Variants in ESR2 observed in about 807,000 individuals in gnomAD.
ESR2 encodes the protein estrogen receptor beta.
A neutral mutation model predicts 49.6 loss-of-function variants in ESR2; 36 were observed. That is an observed-to-expected ratio of 0.73 (90% CI 0.56 to 0.96). The LOEUF is 0.96. Ranked by LOEUF, ESR2 falls within the 40% of genes least tolerant of loss-of-function variation. ESR2 has a pLI of 0.00. For synonymous variants in ESR2, 320 were observed against 266.1 expected, an observed-to-expected ratio of 1.20 and a Z score of -1.97; for missense variants, 714 against 693.0, an observed-to-expected ratio of 1.03 and a Z score of -0.34.
intron 1 of ESR2, among the ~76,000 whole-genome samples, chr14:64,305,742 A>G (rs923095431): frequency 5.9e-5 from 9 of 152,128 alleles, no homozygotes; most frequent in African/African-American, 2.2e-4. Context: ...TAATTCTACC[A>G]TTTAATGTCC....
rs868018680 is a variant in ESR2, at chr14:64,235,664, G to A, written c.1226-514C>T. 3.3e-5 allele frequency among the ~76,000 whole-genome samples: 5 copies of A among 152,168 alleles called. No individual in the cohort carries two copies. In the South Asian group the frequency reaches 8.3e-4, roughly 25 times the overall value. Reference sequence around the variant, plus strand: ...GCCCCTGCTACCACCTCTGCATCTCGCTTGAGTGGCACCTGGCTGGGGCAG... The same window carrying A: ...GCCCCTGCTACCACCTCTGCATCTCACTTGAGTGGCACCTGGCTGGGGCAG... On this transcript the variant is annotated intron_variant, in intron 7 of 8. Coordinates refer to ENST00000341099, the MANE Select transcript of ESR2 (RefSeq NM_001437.3).
downstream of ESR2, chr14:64,227,411 T>TC (rs1324324524): frequency 4.6e-5 from 53 of 1,158,130 alleles, no homozygotes; most frequent in African/African-American, 7.2e-4. Flanking sequence ...ATAACTAACT[T>TC]CAAAGTATTT....
intron 1 of ESR2, among the ~76,000 whole-genome samples, chr14:64,305,689 T>A (rs995604710): frequency 1.3e-5 from 2 of 151,482 alleles, no homozygotes; most frequent in African/African-American, 2.4e-5. Context: ...AATAAATAAA[T>A]AAAATATATA....
In ESR2 at chr14:64,260,710, T is replaced by G; in HGVS notation, c.691A>C (p.Arg231=). 1 of 1,550,024 alleles carries G rather than the reference T, an allele frequency of 6.5e-7. No homozygotes were observed. The highest frequency in any genetic ancestry group is 8.7e-7 in the Non-Finnish European group (1 of 1,144,764). ...AGCTGCTCGTCGGCACTTCTCTGTCTCCGCACAAGGCGGTACCCACATCTC... is the reference window on the plus strand; with the variant it reads ...AGCTGCTCGTCGGCACTTCTCTGTCGCCGCACAAGGCGGTACCCACATCTC... ...RERCGYRLVR[R]QRSADEQLHC... Residue 231 remains arginine (R), a synonymous_variant, in exon 5 of 9, where the codon AGA becomes CGA. Transcript: ENST00000341099.
intron 1 of ESR2, among the ~76,000 whole-genome samples, chr14:64,318,255 G>A (rs955566480): frequency 2.6e-5 from 4 of 151,890 alleles, no homozygotes; most frequent in Non-Finnish European, 2.9e-5. Context: ...TTAAAGTATC[G>A]GCCGGGTGCG....
upstream of ESR2, among the ~76,000 whole-genome samples, chr14:64,294,712 A>G (rs545379500): frequency 1.4e-4 from 21 of 152,330 alleles, no homozygotes; most frequent in East Asian, 1.9e-4. Context: ...CCTGACTCAC[A>G]TAAGTGTCAT....
intron 1 of ESR2, among the ~76,000 whole-genome samples, chr14:64,314,681 C>A (rs1212092722): frequency 6.6e-6 from 1 of 151,222 alleles, no homozygotes; most frequent in South Asian, 2.1e-4. Context: ...AGTTCAAGAC[C>A]AGCCTGGCCA....
chr14:64,321,033 C>T (rs1361292227), intron 1 of ESR2, among the ~76,000 whole-genome samples: 1 of 151,956 alleles, frequency 6.6e-6, no homozygotes, highest in Non-Finnish European at 1.5e-5. Context: ...TTCTGTAACC[C>T]TATAATTGCT....
chr14:64,331,549 G>A (rs946503080), intron 1 of ESR2, among the ~76,000 whole-genome samples: 9 of 152,086 alleles, frequency 5.9e-5, no homozygotes, highest in South Asian at 2.1e-4. Flanking sequence ...CTTTGGGGCC[G>A]GGCCCAGTGG....
intron 4 of ESR2, among the ~76,000 whole-genome samples, chr14:64,266,458 T>A (rs2076330038): frequency 6.6e-6 from 1 of 152,258 alleles, no homozygotes; most frequent in African/African-American, 2.4e-5. Flanking sequence ...CTTCCCTGCA[T>A]ACACTGCCTT....
At chr14:64,274,505 A>G (rs2076517750) in intron 3 of ESR2, among the ~76,000 whole-genome samples, 1 of 151,974 alleles carries the variant, frequency 6.6e-6, no homozygotes, top group African/African-American at 2.4e-5. Context: ...TTTTAAAAAA[A>G]TTAGTCTGGC....
chr14:64,304,705 CA>C (rs936113759), intron 1 of ESR2, among the ~76,000 whole-genome samples: 4 of 147,496 alleles, frequency 2.7e-5, no homozygotes, highest in East Asian at 2.0e-4. Flanking sequence ...CATGTCTCTG[CA>C]AAAAAAAAAT....
At chr14:64,338,573 T>C (rs540586598), upstream of ESR2, 3,909 of 150,006 alleles carry the variant, frequency 0.026, 80 homozygotes, top group Non-Finnish European at 0.037. Flanking sequence ...TCCCCAGAGC[T>C]GAGGAGCATC....
At chr14:64,228,165 G>C, downstream of ESR2, 6 of 779,192 alleles carry the variant, frequency 7.7e-6, no homozygotes, top group Non-Finnish European at 1.1e-5. Context: ...TCAAGCATTT[G>C]TGTTCAGGTG....
intron 1 of ESR2, among the ~76,000 whole-genome samples, chr14:64,289,197 G>A (rs997793917): frequency 1.3e-5 from 2 of 151,898 alleles, no homozygotes; most frequent in Admixed American, 6.6e-5. Context: ...TGCTCTGAGG[G>A]TGAAATGAGA....
chr14:64,280,625 T>C (rs1377768206), intron 2 of ESR2, among the ~76,000 whole-genome samples: 8 of 152,238 alleles, frequency 5.3e-5, no homozygotes, highest in Non-Finnish European at 1.2e-4. Context: ...CCAACAGCAT[T>C]GCTAAGCAGC....
At chr14:64,304,376 T>C (rs180693814) in intron 1 of ESR2, among the ~76,000 whole-genome samples, 1 of 152,278 alleles carries the variant, frequency 6.6e-6, no homozygotes, top group Non-Finnish European at 1.5e-5. Context: ...AAGAATACTT[T>C]ATTACTCTAT....
rs1011151519 is a variant in ESR2, at chr14:64,228,812, CAAAA to C, written c.*4321_*4324del. ...ATTAAAAAACAAACAAACAAACAAA[CAAAA>C]AACCTCCCTGACTCCAAAGCAACAA... On this transcript the variant is annotated 3_prime_UTR_variant, in exon 9 of 9. Coordinates refer to ENST00000341099, the MANE Select transcript of ESR2 (RefSeq NM_001437.3). Among the ~76,000 whole-genome samples the C allele has an allele frequency of 2.6e-5, 4 of 152,038 alleles. No homozygotes were observed. The highest frequency in any genetic ancestry group is 2.1e-4 in the South Asian group (1 of 4,820).
intron 4 of ESR2, among the ~76,000 whole-genome samples, chr14:64,266,558 A>G (rs1268161229): frequency 6.6e-6 from 1 of 152,232 alleles, no homozygotes; most frequent in Admixed American, 6.5e-5. Context: ...AAACACACAC[A>G]CATACTCACT....
Sources: gnomAD v4.1 joint callset for allele counts (sites outside exome capture counted in the v4.1 genomes callset) on GRCh38, gnomAD v4.1.1 for gene constraint, MANE v1.5 for transcripts, NCBI Gene and HGNC (gene_info 2026-07-23, HGNC 2026-07-21) for gene names.